The following FAP variants were observed in gnomAD, a reference collection of about 807,000 sequenced individuals.
The protein encoded by FAP is prolyl endopeptidase FAP.
In FAP, 110 loss-of-function variants were observed where a neutral mutation model predicts 126.5. The ratio of observed to expected loss-of-function variants is 0.87; its 90% CI spans 0.74 to 1.02. FAP has a LOEUF of 1.02. Among genes scored for constraint, FAP ranks in the 50% least tolerant of loss-of-function variants. FAP has a pLI of 0.00. For synonymous variants in FAP, 334 were observed against 297.3 expected, an observed-to-expected ratio of 1.12 and a Z score of -1.27; for missense variants, 919 against 909.2, an observed-to-expected ratio of 1.01 and a Z score of -0.14.
chr2:162,195,037 G>C, intron 16 of FAP: 1 of 403,938 alleles, frequency 2.5e-6, no homozygotes. Flanking sequence ...CACCCCAGAA[G>C]CTGCAGTGAC....
chr2:162,198,112 T>C (rs1688329987), intron 16 of FAP: 1 of 1,176,116 alleles, frequency 8.5e-7, no homozygotes, highest in African/African-American at 1.6e-5. Flanking sequence ...ACGTATGTCC[T>C]AAACAACCAG....
chr2:162,196,885 T>C (rs1688274790), intron 16 of FAP, among the ~76,000 whole-genome samples: 1 of 152,186 alleles, frequency 6.6e-6, no homozygotes, highest in Non-Finnish European at 1.5e-5. Flanking sequence ...ATTACCATAC[T>C]GCCGAGGAAG....
chr2:162,173,020 A>G (rs1687369413), intron 24 of FAP, 129 bp downstream of exon 24: 1 of 1,104,538 alleles, frequency 9.1e-7, no homozygotes, highest in Non-Finnish European at 1.4e-6. Context: ...AATCACACTC[A>G]GATATGGAAA....
At chr2:162,194,909 G>A in intron 16 of FAP, 161 bp from the exon 17 acceptor site, 1 of 654,488 alleles carries the variant, frequency 1.5e-6, no homozygotes, top group South Asian at 1.8e-5. Flanking sequence ...TCACTTCTAA[G>A]TCACATTTAA....
chr2:162,206,061 G>T (rs1688686625), intron 12 of FAP, among the ~76,000 whole-genome samples: 1 of 152,146 alleles, frequency 6.6e-6, no homozygotes, highest in African/African-American at 2.4e-5. Context: ...TTAGAATCAG[G>T]CAAACAGGAA....
At chr2:162,210,239 A>T (rs1267748987) in intron 11 of FAP, among the ~76,000 whole-genome samples, 2 of 152,184 alleles carry the variant, frequency 1.3e-5, no homozygotes, top group Non-Finnish European at 2.9e-5. Context: ...TGAGGCAGTG[A>T]CTTGGAATTA....
intron 20 of FAP, 94 bp from the exon 21 acceptor site, chr2:162,183,562 A>C: frequency 1.3e-6 from 1 of 740,836 alleles, no homozygotes; most frequent in Non-Finnish European, 2.4e-6. Context: ...GATTTAATAG[A>C]AACGCTACAT....
intron 20 of FAP, among the ~76,000 whole-genome samples, chr2:162,183,756 A>T (rs1687771064): frequency 6.6e-6 from 1 of 152,160 alleles, no homozygotes; most frequent in South Asian, 2.1e-4. Context: ...AGACTCAGAG[A>T]GGCCAAAAGA....
chr2:162,225,480 T>C lies in FAP; in HGVS notation c.285+3A>G, dbSNP rs779105905. On this transcript the variant is annotated splice_donor_region_variant and intron_variant, in intron 4 of 25. Coordinates refer to ENST00000188790, the MANE Select transcript of FAP (RefSeq NM_004460.5). ...GAGGGGGAAGATGATGTTGGATACA[T>C]ACCATGGTTCTATTACTCAAAATGG... The C allele has an allele frequency of 5.0e-6, 8 of 1,597,332 alleles. No individual in the cohort carries two copies. The Middle Eastern group carries it at 5.0e-4, about 101-fold the overall frequency.
chr2:162,200,902 A>G (rs888738022), intron 14 of FAP, among the ~76,000 whole-genome samples: 1 of 152,212 alleles, frequency 6.6e-6, no homozygotes. Context: ...TTTTATTAAT[A>G]TCATACCTTG....
intron 12 of FAP, among the ~76,000 whole-genome samples, chr2:162,207,115 G>A (rs1274951889): frequency 6.6e-6 from 1 of 151,892 alleles, no homozygotes; most frequent in East Asian, 1.9e-4. Context: ...AGTTTTTTCT[G>A]GTTAATTTTA....
chr2:162,183,374 T>A (rs1687756062), intron 21 of FAP, 40 bp downstream of exon 21: 1 of 1,435,608 alleles, frequency 7.0e-7, no homozygotes, highest in African/African-American at 1.4e-5. Flanking sequence ...TGATGATTGC[T>A]GAACTGAATA....
chr2:162,215,470 T>TGAGA (rs1423523766), intron 10 of FAP, among the ~76,000 whole-genome samples: 5 of 152,210 alleles, frequency 3.3e-5, no homozygotes, highest in Non-Finnish European at 5.9e-5. Context: ...ACCAGATAAA[T>TGAGA]GAGAATAGCC....
At chr2:162,226,488 TAA>T in intron 3 of FAP, 33 bp downstream of exon 3, 1 of 1,162,246 alleles carries the variant, frequency 8.6e-7, no homozygotes, top group Non-Finnish European at 1.2e-6. Flanking sequence ...ACAAAATACA[TAA>T]AAAAAACCCC....
chr2:162,201,280 A>G (rs751166033), intron 14 of FAP, among the ~76,000 whole-genome samples: 1 of 152,178 alleles, frequency 6.6e-6, no homozygotes, highest in Non-Finnish European at 1.5e-5. Context: ...GGATAACCGA[A>G]GTTTGGTTGA....
intron 23 of FAP, 41 bp downstream of exon 23, chr2:162,173,682 T>C (rs748565621): frequency 6.2e-6 from 8 of 1,296,458 alleles, no homozygotes; most frequent in Non-Finnish European, 8.9e-6. Context: ...TTTAGCATAT[T>C]AGAAATTAAT....
At chr2:162,178,057 T>C (rs1687547535) in intron 21 of FAP, among the ~76,000 whole-genome samples, 1 of 152,162 alleles carries the variant, frequency 6.6e-6, no homozygotes, top group South Asian at 2.1e-4. Context: ...GGGCAACCTC[T>C]TTCGGGGAAA....
At position 162,226,563 on chromosome 2, in the gene FAP, T is replaced by C. The variant is rs771511336; in HGVS notation, c.150A>G (p.Gly50=). The C allele has an allele frequency of 1.3e-6, 2 of 1,598,228 alleles. No homozygotes were observed. Among genetic ancestry groups the C allele is most frequent in the Admixed American group, 3.4e-5 (2 of 58,676 alleles). ...GAAAAAATGTTTTATAAGAAAATGT[T>C]CCATTTAAAATATCCTTCAGTGTGA... ...RALTLKDILN[G]TFSYKTFFPN... is the part of the protein sequence containing the mutation. Residue 50 remains glycine, a synonymous_variant, in exon 3 of 26, where the codon GGA becomes GGG. Coordinates refer to ENST00000188790, the MANE Select transcript of FAP (RefSeq NM_004460.5).
chr2:162,215,420 G>A (rs1198979700), intron 10 of FAP, among the ~76,000 whole-genome samples: 1 of 152,172 alleles, frequency 6.6e-6, no homozygotes, highest in Non-Finnish European at 1.5e-5. Context: ...AATCCTTCAC[G>A]TCCCTGCCTG....
Sources: allele counts gnomAD v4.1 joint callset (sites outside exome capture counted in the v4.1 genomes callset), GRCh38; gene constraint gnomAD v4.1.1; transcripts MANE v1.5; gene names NCBI Gene and HGNC (gene_info 2026-07-23, HGNC 2026-07-21).